The following DPP6 variants were observed in gnomAD, a reference collection of about 807,000 sequenced individuals.
The protein encoded by DPP6 is dipeptidyl peptidase like 6, also known as A-type potassium channel modulatory protein DPP6.
In DPP6, 69 loss-of-function variants were observed where a neutral mutation model predicts 122.6. The observed-to-expected ratio is 0.56, with a 90% CI of 0.46 to 0.69. The LOEUF (loss-of-function observed/expected upper bound fraction) is 0.69, where lower values mean the gene tolerates loss of function less well. Ranked by LOEUF, DPP6 falls within the 30% of genes least tolerant of loss-of-function variation. The pLI is 0.00. For missense variants in DPP6, 928 were observed against 1,116.9 expected (o/e 0.83, Z 2.41); for synonymous variants, 418 against 433.1 (o/e 0.97, Z 0.43).
intron 1 of DPP6, among the ~76,000 whole-genome samples, chr7:154,246,283 AG>A (rs1386960625): frequency 1.3e-5 from 2 of 152,162 alleles, no homozygotes; most frequent in Non-Finnish European, 2.9e-5. Context: ...TTGTTTAAAT[AG>A]GGAAAAAAAG....
the DPP6 span, among the ~76,000 whole-genome samples, chr7:153,769,547 G>A: frequency 6.6e-6 from 1 of 152,166 alleles, no homozygotes; most frequent in East Asian, 1.9e-4. Context: ...AAAGACAGTA[G>A]GGAGCTGGCC....
chr7:153,822,363 G>A, the DPP6 span, among the ~76,000 whole-genome samples: 1 of 151,818 alleles, frequency 6.6e-6, no homozygotes, highest in African/African-American at 2.4e-5. Flanking sequence ...CTAATTTTTT[G>A]TATTTTTAGT....
intron 1 of DPP6, among the ~76,000 whole-genome samples, chr7:154,162,499 A>G (rs1403491212): frequency 2.0e-5 from 3 of 152,366 alleles, no homozygotes; most frequent in Admixed American, 1.3e-4. Context: ...GATCCATTCC[A>G]TATTCCCTGG....
intron 1 of DPP6, among the ~76,000 whole-genome samples, chr7:154,313,414 G>C (rs1288450958): frequency 6.6e-6 from 1 of 151,940 alleles, no homozygotes; most frequent in Admixed American, 6.6e-5. Context: ...AACAGCAATG[G>C]GCTTGTAAAG....
chr7:154,547,265 A>C (rs1457452912), intron 4 of DPP6, among the ~76,000 whole-genome samples: 1 of 152,236 alleles, frequency 6.6e-6, no homozygotes, highest in Admixed American at 6.5e-5. Context: ...GTCAGTGAAA[A>C]CCATGAGGGG....
chr7:154,810,016 T>C (rs1798951152), intron 16 of DPP6, among the ~76,000 whole-genome samples: 1 of 152,188 alleles, frequency 6.6e-6, no homozygotes, highest in South Asian at 2.1e-4. Flanking sequence ...ATTACATGGA[T>C]ACATAATTTT....
intron 1 of DPP6, among the ~76,000 whole-genome samples, chr7:153,897,526 A>G (rs1799462421): frequency 6.6e-6 from 1 of 152,196 alleles, no homozygotes; most frequent in African/African-American, 2.4e-5. Context: ...TTTTAGCTTG[A>G]AGCCTTTTAA....
chr7:154,238,810 C>G (rs1022884573), intron 1 of DPP6, among the ~76,000 whole-genome samples: 1 of 152,158 alleles, frequency 6.6e-6, no homozygotes, highest in East Asian at 1.9e-4. Flanking sequence ...TACTACTATC[C>G]CAGTTTTACA....
At chr7:154,061,697 AG>A (rs1205664518) in intron 1 of DPP6, among the ~76,000 whole-genome samples, 12 of 62,400 alleles carry the variant, frequency 1.9e-4, no homozygotes, top group Admixed American at 6.0e-4. Flanking sequence ...CCACCATCGC[AG>A]GGGGGGAGGC....
At chr7:154,231,989 A>G (rs1800947316) in intron 1 of DPP6, among the ~76,000 whole-genome samples, 1 of 152,144 alleles carries the variant, frequency 6.6e-6, no homozygotes, top group South Asian at 2.1e-4. Context: ...GTGTGATAGG[A>G]GCCACCTGGG....
chr7:154,135,303 C>A (rs1317094748), intron 1 of DPP6, among the ~76,000 whole-genome samples: 12 of 151,568 alleles, frequency 7.9e-5, no homozygotes, highest in Non-Finnish European at 1.2e-4. Flanking sequence ...TGAGCACACA[C>A]TTCTTATCTA....
chr7:154,342,912 T>C (rs1439466347), intron 1 of DPP6, among the ~76,000 whole-genome samples: 1 of 152,168 alleles, frequency 6.6e-6, no homozygotes, highest in Non-Finnish European at 1.5e-5. Flanking sequence ...GTATTTATAG[T>C]AGGATAATCA....
intron 1 of DPP6, among the ~76,000 whole-genome samples, chr7:154,024,671 T>C (rs1798887341): frequency 6.6e-6 from 1 of 152,226 alleles, no homozygotes; most frequent in Non-Finnish European, 1.5e-5. Context: ...TATGTTATGA[T>C]TGCATAATGT....
At chr7:154,161,361 G>T (rs1368203641) in intron 1 of DPP6, among the ~76,000 whole-genome samples, 1 of 152,134 alleles carries the variant, frequency 6.6e-6, no homozygotes, top group African/African-American at 2.4e-5. Flanking sequence ...GCTGGGCATG[G>T]TGGCTCATGC....
chr7:154,187,956 G>A (rs1005371931), intron 1 of DPP6, among the ~76,000 whole-genome samples: 2 of 152,108 alleles, frequency 1.3e-5, no homozygotes, highest in African/African-American at 4.8e-5. Context: ...ATTCTAATGG[G>A]CATCTATCTA....
intron 6 of DPP6, among the ~76,000 whole-genome samples, chr7:154,651,050 C>G (rs1313360857): frequency 1.3e-5 from 2 of 152,168 alleles, no homozygotes; most frequent in Non-Finnish European, 2.9e-5. Flanking sequence ...CTAAGAGGAG[C>G]TCTCAGGCAG....
In DPP6 at chr7:154,452,041, T is replaced by A. The variant is rs569122505; in HGVS notation, c.358+5713T>A. Among the ~76,000 whole-genome samples the A allele has an allele frequency of 9.2e-5, 14 of 152,278 alleles. No individual in the cohort carries two copies. The South Asian group carries it at 2.7e-3, about 29-fold the overall frequency. ...TCAAATCATTCAACCTGCCACTAGC[T>A]CCAGAGCAGTGTCAAATTCACTAAT... On this transcript the variant is annotated intron_variant, in intron 2 of 25. Coordinates refer to ENST00000377770, the MANE Select transcript of DPP6 (RefSeq NM_130797.4).
chr7:153,820,600 A>G, the DPP6 span, among the ~76,000 whole-genome samples: 2 of 152,166 alleles, frequency 1.3e-5, no homozygotes, highest in East Asian at 1.9e-4. Flanking sequence ...GCCTGAACCT[A>G]GCACATACTT....
At chr7:154,872,518 A>G in intron 18 of DPP6, 106 bp from the exon 19 acceptor site, 3 of 1,478,900 alleles carry the variant, frequency 2.0e-6, no homozygotes, top group Non-Finnish European at 2.7e-6. Flanking sequence ...GCTTCCCCTC[A>G]GGCCCCACCC....
Sources: allele counts gnomAD v4.1 joint callset (sites outside exome capture counted in the v4.1 genomes callset), GRCh38; gene constraint gnomAD v4.1.1; transcripts MANE v1.5; gene names NCBI Gene and HGNC (gene_info 2026-07-23, HGNC 2026-07-21).